Variants in ZNF385D observed in about 807,000 individuals in gnomAD.
ZNF385D encodes the protein zinc finger protein 385D, also known as zinc finger protein 659.
A neutral mutation model predicts 35.8 loss-of-function variants in ZNF385D; 15 were observed. That is an observed-to-expected ratio of 0.42 (90% confidence interval 0.28 to 0.64). The LOEUF (loss-of-function observed/expected upper bound fraction) is 0.64. Among genes scored for constraint, ZNF385D ranks in the 30% least tolerant of loss-of-function variants. The probability of loss-of-function intolerance (pLI) is 0.23; values close to 1 mark genes in which losing one functional copy is unlikely to be tolerated. For synonymous variants in ZNF385D, 212 were observed against 186.8 expected, an observed-to-expected ratio of 1.13 and a Z score of -1.10; for missense variants, 474 against 494.6, an observed-to-expected ratio of 0.96 and a Z score of 0.39.
intron 3 of ZNF385D, among the ~76,000 whole-genome samples, chr3:21,520,763 C>T (rs527939638): frequency 7.9e-5 from 12 of 152,254 alleles, no homozygotes; most frequent in Middle Eastern, 3.4e-3. Context: ...AGTGATGACT[C>T]TGCATTTTAA....
intron 2 of ZNF385D, among the ~76,000 whole-genome samples, chr3:22,191,078 T>C (rs2125224836): frequency 6.6e-6 from 1 of 152,290 alleles, no homozygotes; most frequent in Admixed American, 6.5e-5. Flanking sequence ...TACAGAATTA[T>C]TTTTAAAAAA....
At chr3:21,921,905 T>G (rs556394689) in intron 3 of ZNF385D, among the ~76,000 whole-genome samples, 5 of 150,788 alleles carry the variant, frequency 3.3e-5, no homozygotes, top group African/African-American at 1.2e-4. Flanking sequence ...ACAGCCAAAT[T>G]CTACAAGACA....
chr3:21,443,131 G>A (rs564505730), intron 4 of ZNF385D: 54 of 985,258 alleles, frequency 5.5e-5, no homozygotes, highest in Non-Finnish European at 6.3e-5. Context: ...CACCAAATGA[G>A]GCTGTGGAGA....
Position 21,646,361 on chromosome 3 carries a change from C to T in ZNF385D, c.165+18525G>A, listed in dbSNP as rs2065753490. On this transcript the variant is annotated intron_variant, in intron 2 of 7. Coordinates refer to ENST00000281523, the MANE Select transcript of ZNF385D (RefSeq NM_024697.3). This position sits in a 1 kb window ranked among gnomAD's most constrained non-coding sequence, Gnocchi z 4.3. Reference sequence around the variant, plus strand: ...AGACAGCTTACAACAGTGCTGCACACGATTAATCTGACTTCACAGTGAGAC... The same window carrying T: ...AGACAGCTTACAACAGTGCTGCACATGATTAATCTGACTTCACAGTGAGAC... 6.6e-6 allele frequency among the ~76,000 whole-genome samples: 1 copy of T among 152,082 alleles called. No individual in the cohort carries two copies. Among genetic ancestry groups the T allele is most frequent in the African/African-American group, 2.4e-5 (1 of 41,416 alleles).
At chr3:22,129,580 A>T (rs1399151173) in intron 3 of ZNF385D, among the ~76,000 whole-genome samples, 2 of 152,114 alleles carry the variant, frequency 1.3e-5, no homozygotes, top group Non-Finnish European at 2.9e-5. Flanking sequence ...CCTTTCCTGA[A>T]GCAGAATCTC....
chr3:21,882,485 A>G (rs979496329), intron 3 of ZNF385D, among the ~76,000 whole-genome samples: 1 of 152,030 alleles, frequency 6.6e-6, no homozygotes, highest in Non-Finnish European at 1.5e-5. Context: ...CAGTATAAAC[A>G]TAACTTTTAT....
chr3:22,367,050 G>C (rs1345696658), intron 2 of ZNF385D, among the ~76,000 whole-genome samples: 1 of 152,148 alleles, frequency 6.6e-6, no homozygotes, highest in South Asian at 2.1e-4. Context: ...AATTTTGAAA[G>C]AATATATTCT....
At chr3:21,817,286 T>C (rs960321618) in intron 3 of ZNF385D, among the ~76,000 whole-genome samples, 1 of 152,204 alleles carries the variant, frequency 6.6e-6, no homozygotes, top group South Asian at 2.1e-4. Flanking sequence ...AAGGACTTCA[T>C]GACTATAACA....
At chr3:22,355,982 T>G (rs536116751) in intron 2 of ZNF385D, among the ~76,000 whole-genome samples, 2 of 152,210 alleles carry the variant, frequency 1.3e-5, no homozygotes, top group African/African-American at 4.8e-5. Flanking sequence ...AGCATTTTTA[T>G]GCATGTAGGC....
At chr3:21,564,748 G>A in intron 2 of ZNF385D, 64 bp from the exon 3 acceptor site, 1 of 1,076,594 alleles carries the variant, frequency 9.3e-7, no homozygotes, top group East Asian at 2.6e-5. Flanking sequence ...TTGGAATTTT[G>A]CCTATTTCAT....
intron 3 of ZNF385D, among the ~76,000 whole-genome samples, chr3:21,860,644 C>T (rs1696998050): frequency 6.6e-6 from 1 of 152,138 alleles, no homozygotes. Flanking sequence ...TGTCCATTGT[C>T]AGGTTTAATA....
chr3:21,556,942 TA>T (rs1214950051), intron 3 of ZNF385D, among the ~76,000 whole-genome samples: 1 of 152,230 alleles, frequency 6.6e-6, no homozygotes, highest in African/African-American at 2.4e-5. Flanking sequence ...CAATTGTGAA[TA>T]GGAGTTCACT....
At chr3:21,616,814 T>G (rs1051158623) in intron 2 of ZNF385D, among the ~76,000 whole-genome samples, 1 of 152,190 alleles carries the variant, frequency 6.6e-6, no homozygotes, top group Admixed American at 6.5e-5. Flanking sequence ...AGATGAAAAT[T>G]ACTAACACAG....
chr3:22,365,338 GA>G (rs1696605019), intron 2 of ZNF385D, among the ~76,000 whole-genome samples: 5 of 151,768 alleles, frequency 3.3e-5, no homozygotes, highest in African/African-American at 4.8e-5. Context: ...TAATATCTAA[GA>G]AAAAAAATTG....
intron 1 of ZNF385D, among the ~76,000 whole-genome samples, chr3:21,745,138 C>G (rs2069706345): frequency 6.6e-6 from 1 of 152,194 alleles, no homozygotes. Flanking sequence ...CCCCATAGCA[C>G]CCATCTTCCT....
At chr3:22,185,886 C>G (rs1026370091) in intron 2 of ZNF385D, among the ~76,000 whole-genome samples, 1 of 152,160 alleles carries the variant, frequency 6.6e-6, no homozygotes, top group Non-Finnish European at 1.5e-5. Context: ...GTGTATTGTA[C>G]ATTTAACCAC....
chr3:22,144,841 G>C (rs1441555446), intron 3 of ZNF385D, among the ~76,000 whole-genome samples: 1 of 151,920 alleles, frequency 6.6e-6, no homozygotes, highest in East Asian at 1.9e-4. Flanking sequence ...AAAATCAAAG[G>C]CTTAAAGATC....
At chr3:21,908,168 A>G (rs1575886859) in intron 3 of ZNF385D, among the ~76,000 whole-genome samples, 1 of 150,732 alleles carries the variant, frequency 6.6e-6, no homozygotes, top group Non-Finnish European at 1.5e-5. Context: ...CTATCTATCT[A>G]TCTATATATG....
chr3:21,746,806 G>C (rs2069792684), intron 1 of ZNF385D, among the ~76,000 whole-genome samples: 1 of 152,158 alleles, frequency 6.6e-6, no homozygotes, highest in Admixed American at 6.5e-5. Context: ...TTTCTCTGCT[G>C]CCTGCTGCTT....
Sources: allele counts gnomAD v4.1 joint callset (sites outside exome capture counted in the v4.1 genomes callset), GRCh38; gene constraint gnomAD v4.1.1; non-coding constraint Gnocchi (gnomAD v3.1); transcripts MANE v1.5; gene names NCBI Gene and HGNC (gene_info 2026-07-23, HGNC 2026-07-21).